The following WASHC3 variants were observed in gnomAD, a reference collection of about 807,000 sequenced individuals.
WASHC3 encodes WASH complex subunit 3.
Under a neutral mutation model 26.1 loss-of-function variants are expected in WASHC3, and 24 were observed. The observed-to-expected ratio is 0.92, with a 90% CI of 0.66 to 1.29. The LOEUF (loss-of-function observed/expected upper bound fraction) is 1.29. Ranked by LOEUF, WASHC3 falls within the 50% of genes most tolerant of loss-of-function variation. WASHC3 has a pLI of 0.00. For synonymous variants in WASHC3, 77 were observed against 75.7 expected (o/e 1.02, Z -0.09); for missense variants, 214 against 229.6 (o/e 0.93, Z 0.44).
chr12:102,022,839 G>A (rs1434754698), intron 6 of WASHC3, among the ~76,000 whole-genome samples: 2 of 152,070 alleles, frequency 1.3e-5, no homozygotes, highest in East Asian at 1.9e-4. Flanking sequence ...TATTTAAGGC[G>A]CGATATACCC....
chr12:102,020,171 C>T (rs1303130403), intron 6 of WASHC3, among the ~76,000 whole-genome samples: 2 of 152,198 alleles, frequency 1.3e-5, no homozygotes, highest in East Asian at 1.9e-4. Context: ...CTCTGTTCAA[C>T]TGGAAAAACA....
chr12:102,017,684 CTT>C, intron 6 of WASHC3: 1 of 348,088 alleles, frequency 2.9e-6, no homozygotes, highest in East Asian at 8.9e-5. Flanking sequence ...AACTGCCAAA[CTT>C]TTCCACAGCA....
At chr12:102,034,404 C>A (rs1877564865) in intron 5 of WASHC3, among the ~76,000 whole-genome samples, 1 of 152,098 alleles carries the variant, frequency 6.6e-6, no homozygotes, top group Non-Finnish European at 1.5e-5. Flanking sequence ...TTTTCTAAAG[C>A]AAAGTGGTAC....
At chr12:102,044,273 T>G in intron 3 of WASHC3, 61 bp from the exon 4 acceptor site, 1 of 731,372 alleles carries the variant, frequency 1.4e-6, no homozygotes, top group African/African-American at 1.8e-5. Flanking sequence ...AAACACTATT[T>G]TTAATAGCTG....
chr12:102,049,544 G>C (rs1393395048), intron 2 of WASHC3, among the ~76,000 whole-genome samples: 1 of 151,688 alleles, frequency 6.6e-6, no homozygotes, highest in East Asian at 1.9e-4. Context: ...TTCCAAGGCA[G>C]TACATTTTAT....
chr12:102,014,222 G>A (rs1000419864), intron 6 of WASHC3, among the ~76,000 whole-genome samples: 3 of 151,332 alleles, frequency 2.0e-5, no homozygotes, highest in Non-Finnish European at 4.4e-5. Flanking sequence ...AGAGGTGTGT[G>A]CCACCACGCC....
At chr12:102,051,299 ACAGT>A (rs961750283) in intron 2 of WASHC3, among the ~76,000 whole-genome samples, 3 of 152,208 alleles carry the variant, frequency 2.0e-5, no homozygotes, top group Non-Finnish European at 4.4e-5. Context: ...GTTGAGAGAA[ACAGT>A]CAGTTGGTTC....
At chr12:102,030,319 G>GTTTT in intron 5 of WASHC3, among the ~76,000 whole-genome samples, 1 of 146,784 alleles carries the variant, frequency 6.8e-6, no homozygotes, top group African/African-American at 2.5e-5. Context: ...AAAAATTATT[G>GTTTT]TATTTTATGA....
Position 102,045,991 on chromosome 12 carries a change from T to C in WASHC3, c.216+63A>G. On this transcript the variant is annotated intron_variant, in intron 3 of 6. Transcript: ENST00000240079. Reference sequence around the variant, plus strand: ...TCCCAAATGCAATGAAAATTAAGTATGATTAAGAAAGCTGGTATATGCACA... The same window carrying C: ...TCCCAAATGCAATGAAAATTAAGTACGATTAAGAAAGCTGGTATATGCACA... The C allele has an allele frequency of 3.4e-6, 3 of 882,324 alleles. No individual in the cohort carries two copies. In the South Asian group the frequency reaches 4.8e-5, roughly 14 times the overall value. 54.7% of individuals were successfully genotyped at this position (882,324 alleles called of 1,614,324 possible).
upstream of WASHC3, chr12:102,062,041 T>A: frequency 7.7e-7 from 1 of 1,294,940 alleles, no homozygotes; most frequent in South Asian, 1.3e-5. Context: ...TAATCACGTC[T>A]CAACTTTCCC....
At chr12:102,061,761 G>T (rs1878820904) in intron 1 of WASHC3, 151 bp downstream of exon 1, 3 of 616,452 alleles carry the variant, frequency 4.9e-6, no homozygotes, top group Non-Finnish European at 8.5e-6. Flanking sequence ...GTGGACTGTG[G>T]GGCTCTCCCT....
intron 5 of WASHC3, among the ~76,000 whole-genome samples, chr12:102,030,261 C>T (rs61635167): frequency 6.8e-6 from 1 of 146,708 alleles, no homozygotes; most frequent in Non-Finnish European, 1.5e-5. Flanking sequence ...CACCATTGCA[C>T]TCCAGCCTGG....
At chr12:102,020,916 T>C (rs1876929741) in intron 6 of WASHC3, among the ~76,000 whole-genome samples, 2 of 152,088 alleles carry the variant, frequency 1.3e-5, no homozygotes, top group African/African-American at 4.8e-5. Context: ...ACCCTGTCTC[T>C]ACTAAAAATA....
intron 5 of WASHC3, among the ~76,000 whole-genome samples, chr12:102,037,232 A>G (rs1033063944): frequency 6.6e-6 from 1 of 152,216 alleles, no homozygotes; most frequent in Non-Finnish European, 1.5e-5. Context: ...CATTCACAGG[A>G]CTATGTACAA....
intron 6 of WASHC3, among the ~76,000 whole-genome samples, chr12:102,013,394 C>T (rs763944114): frequency 6.6e-6 from 1 of 152,104 alleles, no homozygotes; most frequent in Non-Finnish European, 1.5e-5. Context: ...CTGTAGAGGC[C>T]GCGACAGTAT....
chr12:102,051,832 G>A (rs775998492), intron 2 of WASHC3, among the ~76,000 whole-genome samples: 1 of 152,210 alleles, frequency 6.6e-6, no homozygotes, highest in Non-Finnish European at 1.5e-5. Context: ...GACTGACTGC[G>A]ATAATTAAAT....
chr12:102,040,150 C>A, intron 4 of WASHC3, 172 bp from the exon 5 acceptor site: 1 of 363,790 alleles, frequency 2.7e-6, no homozygotes, highest in African/African-American at 2.1e-5. Flanking sequence ...CAAATATCTA[C>A]AAATATTTAA....
chr12:102,058,468 A>T (rs1482672944), intron 2 of WASHC3, among the ~76,000 whole-genome samples: 3 of 152,130 alleles, frequency 2.0e-5, no homozygotes, highest in Non-Finnish European at 1.5e-5. Flanking sequence ...ATTATTTTTT[A>T]AAAATTATTT....
chr12:102,040,044 AG>A (rs1358535485), intron 4 of WASHC3, 66 bp from the exon 5 acceptor site: 2 of 629,920 alleles, frequency 3.2e-6, no homozygotes, highest in African/African-American at 1.8e-5. Context: ...GTTACTTAAA[AG>A]GAATGTTTCT....
Sources: gnomAD v4.1 joint callset for allele counts (sites outside exome capture counted in the v4.1 genomes callset) on GRCh38, gnomAD v4.1.1 for gene constraint, MANE v1.5 for transcripts, NCBI Gene and HGNC (gene_info 2026-07-23, HGNC 2026-07-21) for gene names.